The following LUZP2 variants were observed in gnomAD, a reference collection of about 807,000 sequenced individuals.
LUZP2 encodes the protein leucine zipper protein 2.
Under a neutral mutation model 51.6 loss-of-function variants are expected in LUZP2, and 52 were observed. That is an observed-to-expected ratio of 1.01 (90% confidence interval 0.81 to 1.27). The LOEUF is 1.27. Among genes scored for constraint, LUZP2 ranks in the 50% most tolerant of loss-of-function variants. The probability of loss-of-function intolerance (pLI) is 0.00; values close to 1 mark genes in which losing one functional copy is unlikely to be tolerated. For synonymous variants in LUZP2, 154 were observed against 137.3 expected, an observed-to-expected ratio of 1.12 and a Z score of -0.85; for missense variants, 436 against 395.4, an observed-to-expected ratio of 1.10 and a Z score of -0.87.
intron 5 of LUZP2, among the ~76,000 whole-genome samples, chr11:24,874,757 C>T (rs1478985014): frequency 6.6e-6 from 1 of 152,122 alleles, no homozygotes; most frequent in Non-Finnish European, 1.5e-5. Context: ...AGATGCTTCT[C>T]ATGCATTCTG....
At chr11:24,770,913 G>T (rs1220151144) in intron 5 of LUZP2, among the ~76,000 whole-genome samples, 2 of 151,658 alleles carry the variant, frequency 1.3e-5, no homozygotes, top group African/African-American at 4.8e-5. Context: ...GAATCAGGAA[G>T]TTGCCAGCCT....
intron 5 of LUZP2, among the ~76,000 whole-genome samples, chr11:24,847,005 CAT>C (rs963310438): frequency 1.3e-5 from 2 of 151,578 alleles, no homozygotes; most frequent in Non-Finnish European, 2.9e-5. Flanking sequence ...ACACTCTCTC[CAT>C]ATATATGCAT....
At chr11:24,574,873 G>A (rs1852591799) in intron 1 of LUZP2, among the ~76,000 whole-genome samples, 1 of 152,030 alleles carries the variant, frequency 6.6e-6, no homozygotes, top group Non-Finnish European at 1.5e-5. Context: ...ATCTTAAAAG[G>A]GAAGAGAAAT....
intron 1 of LUZP2, among the ~76,000 whole-genome samples, chr11:24,507,207 A>C (rs1377641030): frequency 1.3e-5 from 2 of 151,980 alleles, no homozygotes; most frequent in African/African-American, 4.8e-5. Flanking sequence ...TAGACATTGA[A>C]TTTTCATTTT....
At chr11:24,721,086 A>C (rs1453752114) in intron 1 of LUZP2, among the ~76,000 whole-genome samples, 2 of 152,212 alleles carry the variant, frequency 1.3e-5, no homozygotes, top group African/African-American at 4.8e-5. Context: ...AAAATAACAT[A>C]AACGACGTTT....
chr11:24,920,333 A>T (rs1371252580), intron 7 of LUZP2, among the ~76,000 whole-genome samples: 2 of 152,054 alleles, frequency 1.3e-5, no homozygotes, highest in Admixed American at 6.6e-5. Context: ...GTTATTAAAA[A>T]TATACTATAG....
At chr11:24,777,363 G>A (rs527686189) in intron 5 of LUZP2, among the ~76,000 whole-genome samples, 61 of 130,282 alleles carry the variant, frequency 4.7e-4, no homozygotes, top group African/African-American at 1.7e-3. Flanking sequence ...TGTTAGAGGT[G>A]TGAGAAAAGT....
chr11:24,635,578 A>C (rs1419420966), intron 1 of LUZP2, among the ~76,000 whole-genome samples: 1 of 152,164 alleles, frequency 6.6e-6, no homozygotes, highest in Non-Finnish European at 1.5e-5. Flanking sequence ...AATCAATTTA[A>C]ATTAAATTAA....
rs559055619 is a variant in LUZP2, at chr11:24,660,197, A to G, written c.63-68972A>G. Among the ~76,000 whole-genome samples, 6 of 152,286 alleles carry G rather than the reference A, an allele frequency of 3.9e-5. No homozygotes were observed. The South Asian group carries it at 1.2e-3, about 32-fold the overall frequency. On this transcript the variant is annotated intron_variant, in intron 1 of 11. Coordinates refer to ENST00000336930, the MANE Select transcript of LUZP2 (RefSeq NM_001009909.4). ...TCCAGAGGAACCTGGTTTGAAGGCAATCTTGTAAACATAGGACCCAGTAAA... is the reference window on the plus strand; with the variant it reads ...TCCAGAGGAACCTGGTTTGAAGGCAGTCTTGTAAACATAGGACCCAGTAAA...
chr11:24,795,691 T>C (rs1342826861), intron 5 of LUZP2, among the ~76,000 whole-genome samples: 1 of 152,082 alleles, frequency 6.6e-6, no homozygotes, highest in Non-Finnish European at 1.5e-5. Context: ...GTTCCTCTCC[T>C]CTGTTTTTAC....
intron 1 of LUZP2, among the ~76,000 whole-genome samples, chr11:24,608,938 T>C (rs1854026802): frequency 6.6e-6 from 1 of 152,094 alleles, no homozygotes; most frequent in African/African-American, 2.4e-5. Context: ...AGATATCTAG[T>C]GGTATTTGCT....
intron 5 of LUZP2, among the ~76,000 whole-genome samples, chr11:24,854,993 G>A (rs1032703024): frequency 1.3e-5 from 2 of 152,054 alleles, no homozygotes; most frequent in African/African-American, 2.4e-5. Context: ...AGATGAGCTG[G>A]GTACCTCAGT....
At chr11:24,783,537 C>A (rs1849152605) in intron 5 of LUZP2, among the ~76,000 whole-genome samples, 1 of 151,852 alleles carries the variant, frequency 6.6e-6, no homozygotes, top group Non-Finnish European at 1.5e-5. Context: ...TAACATTTTC[C>A]AAATTAGAGG....
chr11:24,713,993 G>C (rs1051972634), intron 1 of LUZP2, among the ~76,000 whole-genome samples: 16 of 150,422 alleles, frequency 1.1e-4, no homozygotes, highest in Non-Finnish European at 2.1e-4. Flanking sequence ...ACCATGCCTG[G>C]CCAAATCTGT....
chr11:24,859,741 G>A (rs1851679239), intron 5 of LUZP2, among the ~76,000 whole-genome samples: 1 of 152,212 alleles, frequency 6.6e-6, no homozygotes, highest in Non-Finnish European at 1.5e-5. Flanking sequence ...GAGCCACAAG[G>A]GACGGGGGAA....
At chr11:24,744,786 G>C (rs913751963) in intron 4 of LUZP2, among the ~76,000 whole-genome samples, 2 of 147,784 alleles carry the variant, frequency 1.4e-5, no homozygotes, top group Non-Finnish European at 3.0e-5. Context: ...CTAGTTCCTT[G>C]AGGTGTGACC....
intron 5 of LUZP2, among the ~76,000 whole-genome samples, chr11:24,868,679 T>G (rs1352187): frequency 0.97 from 148,347 of 152,178 alleles, 72,340 homozygotes; most frequent in Middle Eastern, 1. Flanking sequence ...ATAAGTACCT[T>G]CTTTGGGCCA....
intron 1 of LUZP2, among the ~76,000 whole-genome samples, chr11:24,540,110 TG>T (rs1851311240): frequency 6.6e-6 from 1 of 152,088 alleles, no homozygotes; most frequent in Non-Finnish European, 1.5e-5. Flanking sequence ...AAACTTGCAT[TG>T]TGGGGAAAAG....
intron 5 of LUZP2, among the ~76,000 whole-genome samples, chr11:24,872,965 A>G (rs1430428250): frequency 6.6e-6 from 1 of 152,170 alleles, no homozygotes; most frequent in African/African-American, 2.4e-5. Flanking sequence ...CACTCTATCA[A>G]ATAAAAATTG....
Sources: allele counts gnomAD v4.1 joint callset (sites outside exome capture counted in the v4.1 genomes callset), GRCh38; gene constraint gnomAD v4.1.1; transcripts MANE v1.5; gene names NCBI Gene and HGNC (gene_info 2026-07-23, HGNC 2026-07-21).